The following CNTN5 variants were observed in gnomAD, a reference collection of about 807,000 sequenced individuals.
The protein encoded by CNTN5 is contactin-5.
Under a neutral mutation model 129.1 loss-of-function variants are expected in CNTN5, and 77 were observed. The ratio of observed to expected loss-of-function variants is 0.60; its 90% confidence interval spans 0.50 to 0.72. The LOEUF (loss-of-function observed/expected upper bound fraction) is 0.72. Among genes scored for constraint, CNTN5 ranks in the 30% least tolerant of loss-of-function variants. The probability of loss-of-function intolerance (pLI) is 0.00; values close to 1 mark genes in which losing one functional copy is unlikely to be tolerated. For missense variants in CNTN5, 1,478 were observed against 1,328.8 expected (o/e 1.11, Z -1.75); for synonymous variants, 509 against 465.6 (o/e 1.09, Z -1.20).
intron 1 of CNTN5, among the ~76,000 whole-genome samples, chr11:99,279,412 C>T (rs2135883412): frequency 6.6e-6 from 1 of 151,928 alleles, no homozygotes; most frequent in African/African-American, 2.4e-5. Flanking sequence ...AATTCTAAGA[C>T]AGACTAATCA....
At chr11:99,212,665 T>C (rs11218866) in intron 1 of CNTN5, among the ~76,000 whole-genome samples, 7 of 151,976 alleles carry the variant, frequency 4.6e-5, no homozygotes, top group Non-Finnish European at 7.4e-5. Context: ...TATATAATTT[T>C]AAAAAATATT....
At chr11:100,043,160 A>AC (rs1476159038) in intron 9 of CNTN5, among the ~76,000 whole-genome samples, 1 of 152,230 alleles carries the variant, frequency 6.6e-6, no homozygotes, top group African/African-American at 2.4e-5. Context: ...TTAAACACTT[A>AC]CAAAAAGAAA....
At position 100,259,905 on chromosome 11, in the gene CNTN5, C is replaced by A. The variant is rs141695821; in HGVS notation, c.2164+3987C>A. Among the ~76,000 whole-genome samples, 458 of 151,130 alleles carry A rather than the reference C, an allele frequency of 3.0e-3. 8 individuals are homozygous for A. The East Asian group carries it at 0.033, about 11-fold the overall frequency. On this transcript the variant is annotated intron_variant, in intron 17 of 24. Coordinates refer to ENST00000524871, the MANE Select transcript of CNTN5 (RefSeq NM_014361.4). ...AAAGAACTAGAGAAGTCAGAGCAAA[C>A]AAATTCAAAAGCTAGCAGAAGACAA...
intron 3 of CNTN5, among the ~76,000 whole-genome samples, chr11:99,760,031 A>G (rs1004842898): frequency 6.6e-6 from 1 of 152,088 alleles, no homozygotes; most frequent in African/African-American, 2.4e-5. Context: ...CAGCACATCC[A>G]TTAATCTCTA....
chr11:100,346,227 C>G (rs1489616066), intron 23 of CNTN5, among the ~76,000 whole-genome samples: 1 of 152,050 alleles, frequency 6.6e-6, no homozygotes, highest in African/African-American at 2.4e-5. Flanking sequence ...TTTGGGGTCT[C>G]TATCTAGAAT....
intron 3 of CNTN5, among the ~76,000 whole-genome samples, chr11:99,727,380 T>C (rs1934739137): frequency 6.7e-6 from 1 of 149,930 alleles, no homozygotes; most frequent in Non-Finnish European, 1.5e-5. Context: ...AATATTGTTA[T>C]GAAATAAACA....
chr11:99,782,135 G>T (rs1373787225), intron 3 of CNTN5, among the ~76,000 whole-genome samples: 1 of 151,288 alleles, frequency 6.6e-6, no homozygotes, highest in African/African-American at 2.4e-5. Context: ...AAAGTCTCAG[G>T]ATAGAAAATC....
chr11:99,916,626 G>A (rs1158554706), intron 7 of CNTN5, among the ~76,000 whole-genome samples: 1 of 152,100 alleles, frequency 6.6e-6, no homozygotes, highest in Non-Finnish European at 1.5e-5. Context: ...CTGCAATTTA[G>A]TTAGTACTTT....
chr11:99,873,418 T>A (rs1253145441), intron 6 of CNTN5, among the ~76,000 whole-genome samples: 1 of 151,874 alleles, frequency 6.6e-6, no homozygotes, highest in African/African-American at 2.4e-5. Context: ...GACTACACAT[T>A]TCACACACAA....
At chr11:100,086,622 C>T (rs1407009712) in intron 13 of CNTN5, among the ~76,000 whole-genome samples, 2 of 150,758 alleles carry the variant, frequency 1.3e-5, no homozygotes, top group Admixed American at 6.6e-5. Context: ...CCAAATATAT[C>T]AGAAATTACT....
intron 9 of CNTN5, among the ~76,000 whole-genome samples, chr11:100,051,107 GAAA>G (rs1318445508): frequency 6.6e-6 from 1 of 152,034 alleles, no homozygotes; most frequent in Non-Finnish European, 1.5e-5. Flanking sequence ...CAAGAAGACA[GAAA>G]ATCAGTAAAG....
At chr11:99,284,170 G>C (rs759465836) in intron 1 of CNTN5, among the ~76,000 whole-genome samples, 1 of 152,070 alleles carries the variant, frequency 6.6e-6, no homozygotes, top group Non-Finnish European at 1.5e-5. Context: ...TCTCATACTA[G>C]AGGTGTAATT....
At chr11:99,518,954 C>G (rs1359782464) in intron 2 of CNTN5, among the ~76,000 whole-genome samples, 3 of 152,126 alleles carry the variant, frequency 2.0e-5, no homozygotes, top group East Asian at 1.9e-4. Context: ...CTAATTTCTT[C>G]TTCATACCTC....
chr11:99,580,128 A>C (rs529278277), intron 3 of CNTN5, among the ~76,000 whole-genome samples: 1 of 152,318 alleles, frequency 6.6e-6, no homozygotes, highest in Non-Finnish European at 1.5e-5. Context: ...ACGCTGGATT[A>C]CATTTATTGA....
At chr11:99,276,373 A>G (rs1017037065) in intron 1 of CNTN5, among the ~76,000 whole-genome samples, 1 of 151,700 alleles carries the variant, frequency 6.6e-6, no homozygotes, top group African/African-American at 2.4e-5. Flanking sequence ...AAAACATTTA[A>G]TAATTAAATA....
rs914300007 is a variant in CNTN5 at position 99,705,574 on chromosome 11, T to G, written c.56-113970T>G. ...AGTATTAGGCCTAATTTTTTTACTT[T>G]TGTCAGGTTTGCTTGTTCTAGAGCA... is the stretch of plus-strand genomic sequence containing the variant. On this transcript the variant is annotated intron_variant, in intron 3 of 24. Transcript: ENST00000524871. Among the ~76,000 whole-genome samples the G allele has an allele frequency of 2.0e-5, 3 of 151,540 alleles. No individual in the cohort carries two copies. The East Asian group carries it at 5.8e-4, about 30-fold the overall frequency.
intron 3 of CNTN5, among the ~76,000 whole-genome samples, chr11:99,576,994 C>T (rs573053652): frequency 6.6e-6 from 1 of 152,022 alleles, no homozygotes; most frequent in Non-Finnish European, 1.5e-5. Context: ...CAAATTTGAA[C>T]CACAATAAAG....
chr11:100,148,830 T>C (rs1046569951), intron 13 of CNTN5, among the ~76,000 whole-genome samples: 4 of 150,498 alleles, frequency 2.7e-5, no homozygotes, highest in Non-Finnish European at 5.9e-5. Flanking sequence ...GGTGTAAATA[T>C]TTATTTGATT....
rs575094750 is a variant in CNTN5, at chr11:99,100,220, C to A, written c.-210+78950C>A. 3.9e-5 allele frequency among the ~76,000 whole-genome samples: 6 copies of A among 152,034 alleles called. No individual in the cohort carries two copies. The East Asian group carries it at 1.2e-3, about 29-fold the overall frequency. On this transcript the variant is annotated intron_variant, in intron 1 of 24. Transcript: ENST00000524871. ...CTACATGTGGTTTAAAATATTTTTTCTCTCTCTCTCTTTCTTTCTCTTTCT... is the reference window on the plus strand; with the variant it reads ...CTACATGTGGTTTAAAATATTTTTTATCTCTCTCTCTTTCTTTCTCTTTCT...
Sources: gnomAD v4.1 joint callset for allele counts (sites outside exome capture counted in the v4.1 genomes callset) on GRCh38, gnomAD v4.1.1 for gene constraint, MANE v1.5 for transcripts, NCBI Gene and HGNC (gene_info 2026-07-23, HGNC 2026-07-21) for gene names.